ST7: variants seen among roughly 807,000 people sequenced by gnomAD.
The protein encoded by ST7 is suppressor of tumorigenicity 7 protein.
A neutral mutation model predicts 78.7 loss-of-function variants in ST7; 28 were observed. The observed-to-expected ratio is 0.36, with a 90% confidence interval of 0.26 to 0.49. The LOEUF (loss-of-function observed/expected upper bound fraction) is 0.49, where lower values mean the gene tolerates loss of function less well. Ranked by LOEUF, ST7 falls within the 20% of genes least tolerant of loss-of-function variation. The probability of loss-of-function intolerance (pLI) is 0.99; values close to 1 mark genes in which losing one functional copy is unlikely to be tolerated. For synonymous variants in ST7, 247 were observed against 249.6 expected (o/e 0.99, Z 0.10); for missense variants, 418 against 696.0 (o/e 0.60, Z 4.49).
At chr7:116,984,557 G>A (rs1397857493) in intron 1 of ST7, among the ~76,000 whole-genome samples, 1 of 152,090 alleles carries the variant, frequency 6.6e-6, no homozygotes, top group East Asian at 1.9e-4. Context: ...GATGGCAGGG[G>A]GTGGGGTAGA....
At chr7:117,097,902 A>ATT (rs1801212822) in intron 1 of ST7, among the ~76,000 whole-genome samples, 2 of 31,290 alleles carry the variant, frequency 6.4e-5, no homozygotes, top group Non-Finnish European at 1.2e-4. Flanking sequence ...ATATATATAT[A>ATT]TATATATTTT....
intron 1 of ST7, among the ~76,000 whole-genome samples, chr7:117,008,013 T>A (rs1020918241): frequency 3.3e-5 from 5 of 152,348 alleles, no homozygotes; most frequent in Middle Eastern, 3.4e-3. Flanking sequence ...ATGTAGCAGT[T>A]GTCTTGATTA....
Position 117,163,334 on chromosome 7 carries a change from G to T in ST7, c.964-7528G>T, listed in dbSNP as rs374677935. ...GGATCATATGTTTATTCTATTTGTG[G>T]TTTTTTTGAAGAACCTCTATACTGT... On this transcript the variant is annotated intron_variant, in intron 9 of 15. Transcript: ENST00000323984. Among the ~76,000 whole-genome samples the T allele has an allele frequency of 3.9e-5, 6 of 152,140 alleles. No individual in the cohort carries two copies. In the East Asian group the frequency reaches 5.8e-4, roughly 15 times the overall value.
intron 2 of ST7, among the ~76,000 whole-genome samples, chr7:117,101,491 G>A (rs764371259): frequency 6.6e-6 from 1 of 152,122 alleles, no homozygotes; most frequent in Non-Finnish European, 1.5e-5. Flanking sequence ...CCCTGAGTTC[G>A]TTGTTTTCAT....
intron 9 of ST7, among the ~76,000 whole-genome samples, chr7:117,166,082 T>A (rs1807533712): frequency 6.6e-6 from 1 of 152,128 alleles, no homozygotes; most frequent in Non-Finnish European, 1.5e-5. Flanking sequence ...AACAAAATTT[T>A]AAAAATTAGA....
intron 12 of ST7, among the ~76,000 whole-genome samples, chr7:117,195,858 C>T (rs1225192755): frequency 6.6e-6 from 1 of 152,154 alleles, no homozygotes; most frequent in Non-Finnish European, 1.5e-5. Flanking sequence ...CAGTAATCTC[C>T]AGAACTTTTT....
At position 117,214,910 on chromosome 7, in the gene ST7, T is replaced by TTGTG. The variant is rs147915016; in HGVS notation, c.1406-4132_1406-4129dup. On this transcript the variant is annotated intron_variant, in intron 13 of 15. Coordinates refer to ENST00000323984, the MANE Select transcript of ST7 (RefSeq NM_001369598.1). ...ATCTGAAATGCTTTGGGAAGAACATTTGTGTGTGTGTGTGTGTGTGTGTGT... is the reference window on the plus strand; with the variant it reads ...ATCTGAAATGCTTTGGGAAGAACATTTGTGTGTGTGTGTGTGTGTGTGTGTGTGT... 8.7e-3 allele frequency among the ~76,000 whole-genome samples: 1,241 copies of TTGTG among 143,228 alleles called. 9 individuals are homozygous for TTGTG. The highest frequency in any genetic ancestry group is 0.022 in the South Asian group (91 of 4,056). The allele number at this position is 143,228 out of a possible 152,430, so 94.0% of individuals were successfully genotyped here.
chr7:116,981,490 A>G (rs545881930), intron 1 of ST7, among the ~76,000 whole-genome samples: 1 of 152,338 alleles, frequency 6.6e-6, no homozygotes, highest in South Asian at 2.1e-4. Context: ...ATAGAATCCT[A>G]TCAGGTAGCA....
chr7:117,125,094 T>TC (rs1563101183), intron 3 of ST7, among the ~76,000 whole-genome samples: 1 of 152,178 alleles, frequency 6.6e-6, no homozygotes, highest in African/African-American at 2.4e-5. Flanking sequence ...AAAGTGATTA[T>TC]CTTAGCCAGT....
intron 1 of ST7, among the ~76,000 whole-genome samples, chr7:117,005,061 G>T (rs1317391444): frequency 6.6e-6 from 1 of 151,988 alleles, no homozygotes; most frequent in Non-Finnish European, 1.5e-5. Flanking sequence ...TCTGTATTTT[G>T]TTCCTTATGA....
intron 13 of ST7, among the ~76,000 whole-genome samples, chr7:117,216,049 T>C (rs183644130): frequency 4.1e-4 from 63 of 152,246 alleles, no homozygotes; most frequent in Admixed American, 1.2e-3. Context: ...CATGTATCCA[T>C]CCTTTTGTCA....
chr7:116,958,446 A>G (rs1029089832), intron 1 of ST7: 14 of 323,496 alleles, frequency 4.3e-5, no homozygotes, highest in Non-Finnish European at 8.1e-5. Context: ...CTTAACATTT[A>G]GATTTTAATT....
intron 1 of ST7, chr7:116,958,451 T>G: frequency 3.1e-6 from 1 of 326,860 alleles, no homozygotes; most frequent in Non-Finnish European, 6.2e-6. Context: ...CATTTAGATT[T>G]TAATTTACTT....
chr7:117,029,013 C>T (rs917290504), intron 1 of ST7, among the ~76,000 whole-genome samples: 3 of 151,950 alleles, frequency 2.0e-5, no homozygotes, highest in East Asian at 3.8e-4. Context: ...TAAATCTTAC[C>T]GATAACATGG....
At chr7:117,074,245 G>T (rs1304080000) in intron 1 of ST7, among the ~76,000 whole-genome samples, 3 of 152,106 alleles carry the variant, frequency 2.0e-5, no homozygotes, top group Non-Finnish European at 4.4e-5. Context: ...ACAAAAATTA[G>T]CCAGGTGTGG....
At chr7:117,054,787 T>G (rs1447226215) in intron 1 of ST7, among the ~76,000 whole-genome samples, 1 of 152,208 alleles carries the variant, frequency 6.6e-6, no homozygotes, top group Non-Finnish European at 1.5e-5. Context: ...CTGAACTCTC[T>G]GCTGGACATG....
At chr7:117,103,282 C>T (rs899616673) in intron 2 of ST7, among the ~76,000 whole-genome samples, 23 of 152,046 alleles carry the variant, frequency 1.5e-4, no homozygotes, top group Non-Finnish European at 1.2e-4. Context: ...CACAGAAGAC[C>T]CTGAATAGCC....
rs745567006 is a variant in ST7, at chr7:117,209,831, C to A, written c.1299C>A (p.Ile433=). 5 of 1,613,900 alleles carry A rather than the reference C, an allele frequency of 3.1e-6. No homozygotes were observed. In the East Asian group the frequency reaches 1.1e-4, roughly 36 times the overall value. The change falls in exon 13 of 16, where the codon ATC becomes ATA. Residue 433 remains isoleucine, a synonymous_variant. Coordinates refer to ENST00000323984, the MANE Select transcript of ST7 (RefSeq NM_001369598.1). ...MKSLILPPEH[I]LKRGDSEAIA... The stretch of plus-strand genomic sequence containing the variant: ...GCTTAATCCTACCCCCAGAACATAT[C>A]CTGAAGAGAGGAGACAGTGAAGCAA...
chr7:116,979,328 CAA>C (rs530137715), intron 1 of ST7, among the ~76,000 whole-genome samples: 291 of 152,368 alleles, frequency 1.9e-3, no homozygotes, highest in African/African-American at 6.4e-3. Context: ...CTTTTCCTAA[CAA>C]GAGGCATTTC....
Sources: allele counts gnomAD v4.1 joint callset (sites outside exome capture counted in the v4.1 genomes callset), GRCh38; gene constraint gnomAD v4.1.1; transcripts MANE v1.5; gene names NCBI Gene and HGNC (gene_info 2026-07-23, HGNC 2026-07-21).